Variants in COPG2 observed in about 807,000 individuals in gnomAD.
COPG2 encodes the protein coat protein complex I subunit gamma 2.
Under a neutral mutation model 46.3 loss-of-function variants are expected in COPG2, and 37 were observed. The ratio of observed to expected loss-of-function variants is 0.80; its 90% CI spans 0.61 to 1.05. The LOEUF is 1.05. Ranked by LOEUF, COPG2 falls within the 50% of genes least tolerant of loss-of-function variation. COPG2 has a pLI of 0.00. For missense variants in COPG2, 427 were observed against 387.8 expected (o/e 1.10, Z -0.85); for synonymous variants, 159 against 129.7 (o/e 1.23, Z -1.53).
chr7:130,536,137 ACT>A (rs1799877386), intron 20 of COPG2, among the ~76,000 whole-genome samples: 1 of 152,026 alleles, frequency 6.6e-6, no homozygotes, highest in Admixed American at 6.6e-5. Flanking sequence ...CAGAAGCGCA[ACT>A]CTCTCATGCA....
intron 9 of COPG2, among the ~76,000 whole-genome samples, chr7:130,573,969 G>A (rs1793958279): frequency 1.3e-5 from 2 of 152,250 alleles, no homozygotes; most frequent in Middle Eastern, 6.8e-3. Flanking sequence ...CTCATCATAT[G>A]ACCCAGTTAT....
intron 20 of COPG2, chr7:130,510,964 A>G (rs781983150): frequency 1.9e-6 from 1 of 520,128 alleles, no homozygotes. Context: ...TGCCCTGAAG[A>G]TCTGCATTAA....
At chr7:130,583,591 G>T (rs1301608478) in intron 9 of COPG2, among the ~76,000 whole-genome samples, 3 of 147,968 alleles carry the variant, frequency 2.0e-5, no homozygotes, top group African/African-American at 7.4e-5. Flanking sequence ...TGGATCATGA[G>T]TTCAGGAGAT....
At chr7:130,637,745 T>C (rs1014882841) in intron 5 of COPG2, among the ~76,000 whole-genome samples, 3 of 152,228 alleles carry the variant, frequency 2.0e-5, no homozygotes, top group Non-Finnish European at 4.4e-5. Context: ...AAACTCATTA[T>C]CTGTCCAGTT....
intron 4 of COPG2, among the ~76,000 whole-genome samples, chr7:130,656,728 G>A (rs1449112758): frequency 6.6e-6 from 1 of 151,832 alleles, no homozygotes; most frequent in Non-Finnish European, 1.5e-5. Context: ...CTACTTTAGG[G>A]GTAAATTTCA....
At chr7:130,638,346 C>T (rs1554456679) in intron 5 of COPG2, among the ~76,000 whole-genome samples, 1 of 152,164 alleles carries the variant, frequency 6.6e-6, no homozygotes, top group Non-Finnish European at 1.5e-5. Flanking sequence ...CCCCCAGGTG[C>T]TCTGTCCCAG....
At chr7:130,631,082 A>G (rs1472646944) in intron 5 of COPG2, among the ~76,000 whole-genome samples, 1 of 151,830 alleles carries the variant, frequency 6.6e-6, no homozygotes, top group Non-Finnish European at 1.5e-5. Flanking sequence ...CTTTAATGTA[A>G]TTATTGATAT....
At chr7:130,617,782 T>G (rs782487360) in intron 5 of COPG2, among the ~76,000 whole-genome samples, 1 of 152,204 alleles carries the variant, frequency 6.6e-6, no homozygotes, top group Non-Finnish European at 1.5e-5. Flanking sequence ...TTTTGACTGA[T>G]AGTCCTTCAT....
At chr7:130,664,110 TGTTAGATAAC>T (rs1227712914) in intron 3 of COPG2, among the ~76,000 whole-genome samples, 15 of 152,300 alleles carry the variant, frequency 9.8e-5, no homozygotes, top group African/African-American at 3.1e-4. Flanking sequence ...AGTGAAAAAG[TGTTAGATAAC>T]GTATTTCAAA....
chr7:130,668,460 T>C (rs1451964013), intron 1 of COPG2, among the ~76,000 whole-genome samples, 172 bp downstream of exon 1: 4 of 148,344 alleles, frequency 2.7e-5, no homozygotes, highest in African/African-American at 9.9e-5. Context: ...GGGGAGGGGC[T>C]ACGGGCAGGC....
chr7:130,598,343 C>T (rs1164765128), intron 9 of COPG2, among the ~76,000 whole-genome samples: 1 of 152,148 alleles, frequency 6.6e-6, no homozygotes, highest in African/African-American at 2.4e-5. Context: ...AAGCCGTACT[C>T]CAAGATGTGG....
intron 1 of COPG2, 35 bp downstream of exon 1, chr7:130,668,597 C>T (rs1796153414): frequency 5.3e-6 from 8 of 1,502,824 alleles, no homozygotes; most frequent in African/African-American, 2.9e-5. Context: ...GGGCGTCCCG[C>T]GGCTGAGGGT....
intron 5 of COPG2, chr7:130,645,406 C>T (rs1240843341): frequency 6.0e-6 from 3 of 502,284 alleles, no homozygotes; most frequent in East Asian, 5.4e-5. Flanking sequence ...GGGCTCCACC[C>T]GTCGGTGTCC....
At chr7:130,628,050 T>C (rs1188270183) in intron 5 of COPG2, among the ~76,000 whole-genome samples, 1 of 152,200 alleles carries the variant, frequency 6.6e-6, no homozygotes, top group Non-Finnish European at 1.5e-5. Flanking sequence ...CTGGTGTGTT[T>C]AGACAATCCA....
chr7:130,578,287 CCTGT>C (rs1301786913), intron 9 of COPG2, among the ~76,000 whole-genome samples: 3 of 149,428 alleles, frequency 2.0e-5, no homozygotes, highest in African/African-American at 5.0e-5. Flanking sequence ...AGCTGAGGGT[CCTGT>C]CTGTTAGAAG....
At chr7:130,607,220 AAC>A (rs1554451372) in intron 9 of COPG2, among the ~76,000 whole-genome samples, 2 of 151,150 alleles carry the variant, frequency 1.3e-5, no homozygotes, top group Admixed American at 1.3e-4. Flanking sequence ...CAGGCTTCAC[AAC>A]AGAGTGAGAG....
intron 1 of COPG2, among the ~76,000 whole-genome samples, chr7:130,668,019 A>AT (rs1554461733): frequency 6.6e-6 from 1 of 151,928 alleles, no homozygotes; most frequent in Non-Finnish European, 1.5e-5. Flanking sequence ...AACACTGAGA[A>AT]TTTTTTTCTT....
chr7:130,568,430 G>A (rs1391573196), intron 9 of COPG2, among the ~76,000 whole-genome samples: 1 of 152,084 alleles, frequency 6.6e-6, no homozygotes, highest in Non-Finnish European at 1.5e-5. Flanking sequence ...CAGACAAAAC[G>A]GACTTTAAAG....
At chr7:130,507,459 G>A (rs541928553) in intron 22 of COPG2, 87 bp from the exon 23 acceptor site, 42 of 756,880 alleles carry the variant, frequency 5.5e-5, no homozygotes, top group South Asian at 4.4e-4. Context: ...GAGCTGGGGT[G>A]GAAGGGTTTG....
Sources: allele counts gnomAD v4.1 joint callset (sites outside exome capture counted in the v4.1 genomes callset), GRCh38; gene constraint gnomAD v4.1.1; transcripts MANE v1.5; gene names NCBI Gene and HGNC (gene_info 2026-07-23, HGNC 2026-07-21).